The following PACRG variants were observed in gnomAD, a reference collection of about 807,000 sequenced individuals.
PACRG encodes the protein parkin coregulated.
PACRG carries 29 observed loss-of-function variants against 29.7 expected under a neutral mutation model. That is an observed-to-expected ratio of 0.98 (90% confidence interval 0.73 to 1.33). The LOEUF is 1.33. Ranked by LOEUF, PACRG falls within the 40% of genes most tolerant of loss-of-function variation. PACRG has a pLI of 0.00. For synonymous variants in PACRG, 116 were observed against 118.7 expected (o/e 0.98, Z 0.15); for missense variants, 279 against 316.2 (o/e 0.88, Z 0.89).
At chr6:163,269,857 GAGAA>G (rs1470395398) in intron 4 of PACRG, among the ~76,000 whole-genome samples, 1 of 56,486 alleles carries the variant, frequency 1.8e-5, no homozygotes, top group African/African-American at 8.6e-5. Context: ...AAGAAAGAAA[GAGAA>G]AGAAAGAGAA....
chr6:162,974,428 C>T (rs1183336262), intron 2 of PACRG, among the ~76,000 whole-genome samples: 1 of 152,174 alleles, frequency 6.6e-6, no homozygotes, highest in African/African-American at 2.4e-5. Flanking sequence ...GTTAACATTA[C>T]TGTCATCACA....
chr6:162,791,186 A>G (rs1784904092), intron 1 of PACRG, among the ~76,000 whole-genome samples: 1 of 152,106 alleles, frequency 6.6e-6, no homozygotes. Context: ...CAGCCTCCCT[A>G]TTACATAGAT....
chr6:162,951,395 G>T (rs1429233039), intron 2 of PACRG, among the ~76,000 whole-genome samples: 2 of 152,232 alleles, frequency 1.3e-5, no homozygotes, highest in Non-Finnish European at 2.9e-5. Context: ...GACACAGGCA[G>T]GAAGGCTCTG....
intron 2 of PACRG, among the ~76,000 whole-genome samples, chr6:162,829,845 A>G (rs1164237137): frequency 2.0e-5 from 3 of 152,098 alleles, no homozygotes; most frequent in Non-Finnish European, 4.4e-5. Flanking sequence ...AAGATGTGGC[A>G]TATTTGGGGA....
At chr6:162,939,233 C>CA (rs1226280235) in intron 2 of PACRG, among the ~76,000 whole-genome samples, 2 of 152,286 alleles carry the variant, frequency 1.3e-5, no homozygotes, top group African/African-American at 4.8e-5. Flanking sequence ...TCTTACCTCT[C>CA]ACCTTATGCA....
At chr6:163,076,462 A>G (rs1812551857) in intron 3 of PACRG, among the ~76,000 whole-genome samples, 1 of 152,244 alleles carries the variant, frequency 6.6e-6, no homozygotes, top group Admixed American at 6.5e-5. Context: ...AGGCCACACA[A>G]CTTAGCTCGT....
chr6:162,905,936 C>T (rs1019188066), intron 2 of PACRG, among the ~76,000 whole-genome samples: 5 of 152,208 alleles, frequency 3.3e-5, no homozygotes, highest in Middle Eastern at 3.4e-3. Flanking sequence ...TCCCTAACCA[C>T]GAGGACTATA....
intron 2 of PACRG, among the ~76,000 whole-genome samples, chr6:163,002,489 T>TA (rs1444922254): frequency 1.3e-5 from 2 of 152,094 alleles, no homozygotes; most frequent in East Asian, 1.9e-4. Context: ...TTTTTCAGGT[T>TA]AAAAAAAGAG....
intron 4 of PACRG, among the ~76,000 whole-genome samples, chr6:163,161,928 A>T (rs1251317755): frequency 6.6e-6 from 1 of 152,192 alleles, no homozygotes; most frequent in Non-Finnish European, 1.5e-5. Context: ...ATCTTCTCAA[A>T]TGTATTTGCA....
chr6:162,905,216 G>C (rs1795848675), intron 2 of PACRG, among the ~76,000 whole-genome samples: 1 of 152,156 alleles, frequency 6.6e-6, no homozygotes, highest in Non-Finnish European at 1.5e-5. Flanking sequence ...GGATGCATTA[G>C]GCTTGGGAGG....
intron 2 of PACRG, among the ~76,000 whole-genome samples, chr6:162,910,665 G>T (rs1584733333): frequency 6.6e-6 from 1 of 152,088 alleles, no homozygotes; most frequent in Non-Finnish European, 1.5e-5. Flanking sequence ...GCTCAAAATG[G>T]CAGAAGTTTA....
In PACRG at chr6:163,272,332, C is replaced by T. The variant is rs977042594; in HGVS notation, c.614-42495C>T. On this transcript the variant is annotated intron_variant, in intron 4 of 4. Transcript: ENST00000366888. ...GATTACAGGCGTAAGCCACCGCGCCCGGCCTGTGTATTAATTTTCAACCCT... is the reference window on the plus strand; with the variant it reads ...GATTACAGGCGTAAGCCACCGCGCCTGGCCTGTGTATTAATTTTCAACCCT... Among the ~76,000 whole-genome samples, 7 of 152,124 alleles carry T rather than the reference C, an allele frequency of 4.6e-5. No individual in the cohort carries two copies. The East Asian group carries it at 5.8e-4, about 13-fold the overall frequency.
intron 2 of PACRG, among the ~76,000 whole-genome samples, chr6:163,019,606 G>C (rs1806423400): frequency 1.3e-5 from 2 of 152,142 alleles, no homozygotes; most frequent in South Asian, 4.2e-4. Flanking sequence ...TCCCATTCTG[G>C]AATCAGGAGA....
intron 2 of PACRG, chr6:163,051,810 T>C (rs1406961695): frequency 6.6e-6 from 1 of 152,206 alleles, no homozygotes; most frequent in African/African-American, 2.4e-5. Flanking sequence ...TCTTTATCTC[T>C]AGCATCTGAG....
At chr6:163,137,186 C>T (rs1048199420) in intron 4 of PACRG, among the ~76,000 whole-genome samples, 2 of 152,232 alleles carry the variant, frequency 1.3e-5, no homozygotes, top group Middle Eastern at 3.4e-3. Context: ...GTTTAATGAA[C>T]TCTGTTTTAT....
intron 4 of PACRG, among the ~76,000 whole-genome samples, chr6:163,169,646 A>G (rs923216504): frequency 1.3e-5 from 2 of 152,204 alleles, no homozygotes; most frequent in Non-Finnish European, 2.9e-5. Context: ...GTTATCCCAG[A>G]TTAGGAATTA....
chr6:163,045,216 G>T (rs1485059158), intron 2 of PACRG, among the ~76,000 whole-genome samples: 1 of 152,078 alleles, frequency 6.6e-6, no homozygotes, highest in Non-Finnish European at 1.5e-5. Context: ...CTCCTCTGTG[G>T]CCAGCAGAGG....
At chr6:162,776,907 A>C (rs1351245219) in intron 1 of PACRG, among the ~76,000 whole-genome samples, 1 of 152,134 alleles carries the variant, frequency 6.6e-6, no homozygotes, top group Non-Finnish European at 1.5e-5. Context: ...AAAAGGCATA[A>C]GAATGATACG....
chr6:162,754,527 CA>C (rs939994363), intron 1 of PACRG, among the ~76,000 whole-genome samples: 7 of 151,938 alleles, frequency 4.6e-5, no homozygotes, highest in Admixed American at 1.3e-4. Flanking sequence ...GAGTTATATC[CA>C]AAAAATAACT....
Sources: allele counts gnomAD v4.1 joint callset (sites outside exome capture counted in the v4.1 genomes callset), GRCh38; gene constraint gnomAD v4.1.1; transcripts MANE v1.5; gene names NCBI Gene and HGNC (gene_info 2026-07-23, HGNC 2026-07-21).